RGS22: variants seen among roughly 807,000 people sequenced by gnomAD.
The protein encoded by RGS22 is regulator of G-protein signaling 22.
RGS22 carries 148 observed loss-of-function variants against 172.9 expected under a neutral mutation model. The ratio of observed to expected loss-of-function variants is 0.86; its 90% CI spans 0.75 to 0.98. The LOEUF (loss-of-function observed/expected upper bound fraction) is 0.98, where lower values mean the gene tolerates loss of function less well. RGS22 is among the 50% of genes least tolerant of loss of function. The pLI is 0.00. For synonymous variants in RGS22, 458 were observed against 480.2 expected, an observed-to-expected ratio of 0.95 and a Z score of 0.60; for missense variants, 1,347 against 1,440.8, an observed-to-expected ratio of 0.93 and a Z score of 1.05.
intron 6 of RGS22, among the ~76,000 whole-genome samples, chr8:100,067,430 T>C (rs1196252453): frequency 6.6e-6 from 1 of 152,112 alleles, no homozygotes; most frequent in African/African-American, 2.4e-5. Flanking sequence ...ATCGAGTGAC[T>C]ACTTTATTCT....
At chr8:100,017,017 A>G (rs1221847198) in intron 14 of RGS22, among the ~76,000 whole-genome samples, 13 of 53,772 alleles carry the variant, frequency 2.4e-4, no homozygotes, top group Non-Finnish European at 3.7e-4. Flanking sequence ...TTTTTTTTTT[A>G]AACAGGGGCT....
chr8:100,002,060 C>T, intron 18 of RGS22, 142 bp downstream of exon 18: 6 of 522,902 alleles, frequency 1.1e-5, no homozygotes, highest in South Asian at 4.1e-5. Context: ...TCATAAATAC[C>T]TAAATAAATA....
chr8:100,060,894 A>T (rs1278580565), intron 9 of RGS22, among the ~76,000 whole-genome samples: 1 of 152,236 alleles, frequency 6.6e-6, no homozygotes, highest in Non-Finnish European at 1.5e-5. Context: ...AGCTGGAGCC[A>T]TCACACTACC....
chr8:100,023,116 A>C (rs1005720549), intron 14 of RGS22, among the ~76,000 whole-genome samples: 1 of 152,236 alleles, frequency 6.6e-6, no homozygotes, highest in African/African-American at 2.4e-5. Flanking sequence ...GGACTGATAC[A>C]TGAAACCAGA....
intron 14 of RGS22, among the ~76,000 whole-genome samples, chr8:100,036,399 T>C (rs1274295353): frequency 6.6e-6 from 1 of 152,200 alleles, no homozygotes; most frequent in Non-Finnish European, 1.5e-5. Flanking sequence ...TCTTGGACTC[T>C]TTAGTCATGC....
In RGS22 at chr8:100,063,559, A is replaced by G. The variant is rs757429378; in HGVS notation, c.1209T>C (p.Ser403=). The G allele has an allele frequency of 1.1e-5, 17 of 1,613,980 alleles. No individual in the cohort carries two copies. Among genetic ancestry groups the G allele is most frequent in the Non-Finnish European group, 1.4e-5 (16 of 1,180,006 alleles). The change falls in exon 8 of 28, where the codon TCT becomes TCC. Residue 403 remains serine, a synonymous_variant. Transcript: ENST00000360863. ...GPESRADWCI[S]HRTYDIGNRK... The stretch of plus-strand genomic sequence containing the variant: ...TATTGCCAATGTCATAAGTCCTATG[A>G]GAAATACACCAGTCCGCCCTGCTCT...
At chr8:100,103,694 C>A (rs969331701) in intron 2 of RGS22, among the ~76,000 whole-genome samples, 2 of 151,908 alleles carry the variant, frequency 1.3e-5, no homozygotes, top group Non-Finnish European at 1.5e-5. Flanking sequence ...CAGAGAAAGC[C>A]CAGAGAACAG....
In RGS22 at chr8:100,104,324, A is replaced by ATGTG. The variant is rs1461195510; in HGVS notation, c.54+1046_54+1049dup. 1.1e-4 allele frequency among the ~76,000 whole-genome samples: 13 copies of ATGTG among 119,446 alleles called. 1 individual carries two copies. Among genetic ancestry groups the ATGTG allele is most frequent in the African/African-American group, 1.8e-4 (6 of 33,236 alleles). The allele number at this position is 119,446 out of a possible 152,430, so 78.4% of individuals were successfully genotyped here. A position where few individuals can be genotyped will look rare whatever the true frequency, so the allele number is the denominator to read the frequency against. ...ACAGAGAGAGACCCTGTCTCAAAAT[A>ATGTG]TGTGCGTGTGTGTGTGTGTGTGTGT... On this transcript the variant is annotated intron_variant, in intron 2 of 27. Transcript: ENST00000360863.
intron 6 of RGS22, among the ~76,000 whole-genome samples, chr8:100,067,369 T>G (rs1017224175): frequency 6.6e-6 from 1 of 152,176 alleles, no homozygotes; most frequent in Non-Finnish European, 1.5e-5. Flanking sequence ...CCCCTTTTCC[T>G]TTAAAATCAA....
chr8:100,023,358 T>C (rs1045954516), intron 14 of RGS22, among the ~76,000 whole-genome samples: 1 of 152,190 alleles, frequency 6.6e-6, no homozygotes, highest in Non-Finnish European at 1.5e-5. Flanking sequence ...GGTCTGCCTC[T>C]GAGACACTAC....
At chr8:99,963,212 C>A (rs985711211) in intron 24 of RGS22, among the ~76,000 whole-genome samples, 3 of 152,118 alleles carry the variant, frequency 2.0e-5, no homozygotes, top group Admixed American at 6.6e-5. Context: ...AGTCCATTTT[C>A]ATAAAAATAT....
chr8:99,961,317 A>G (rs1639742626), intron 27 of RGS22, 121 bp from the exon 28 acceptor site: 1 of 369,862 alleles, frequency 2.7e-6, no homozygotes, highest in South Asian at 2.2e-5. Context: ...CTGTGTCCCC[A>G]CCCAAATCTC....
In RGS22 at chr8:100,102,136, T is replaced by C. The variant is rs570597126; in HGVS notation, c.54+3238A>G. ...CTCATTCTTTCCTTCTACACTTATG[T>C]AAGTATTAAAGTTAGAATAGCCCAG... On this transcript the variant is annotated intron_variant, in intron 2 of 27. Transcript: ENST00000360863. Among the ~76,000 whole-genome samples, 3 of 152,310 alleles carry C rather than the reference T, an allele frequency of 2.0e-5. No individual in the cohort carries two copies. The South Asian group carries it at 6.2e-4, about 32-fold the overall frequency.
rs1387101528 is a variant in RGS22, at chr8:100,071,462, G to A, written c.501C>T (p.Pro167=). ...GACTGGGTGGTTTTTTCACGATCCAGGGAGAAAAATTTGATCCTACTGTGA... is the reference window on the plus strand; with the variant it reads ...GACTGGGTGGTTTTTTCACGATCCAAGGAGAAAAATTTGATCCTACTGTGA... ...MNFTVGSNFS[P]WIVKKPPSLP... is the part of the protein sequence containing the mutation. Residue 167 remains proline, a synonymous_variant, in exon 6 of 28, where the codon CCC becomes CCT. Transcript: ENST00000360863. The A allele has an allele frequency of 1.9e-6, 3 of 1,613,084 alleles. No homozygotes were observed. Among genetic ancestry groups the A allele is most frequent in the Non-Finnish European group, 2.5e-6 (3 of 1,179,430 alleles).
intron 3 of RGS22, among the ~76,000 whole-genome samples, chr8:100,081,107 C>T (rs1440325433): frequency 6.6e-6 from 1 of 152,006 alleles, no homozygotes; most frequent in Non-Finnish European, 1.5e-5. Flanking sequence ...AGAATCAGGT[C>T]CCTTTTTCAG....
chr8:100,087,353 C>G (rs1453515701), intron 3 of RGS22, among the ~76,000 whole-genome samples: 1 of 152,132 alleles, frequency 6.6e-6, no homozygotes, highest in Non-Finnish European at 1.5e-5. Flanking sequence ...ATATCATTTT[C>G]CAAATATTCC....
intron 14 of RGS22, among the ~76,000 whole-genome samples, chr8:100,016,776 C>CA (rs1052907396): frequency 1.3e-5 from 2 of 151,554 alleles, no homozygotes; most frequent in East Asian, 3.9e-4. Context: ...GACTCCGTCT[C>CA]AAAAAAATAA....
At chr8:100,101,871 CA>C (rs550771464) in intron 2 of RGS22, among the ~76,000 whole-genome samples, 120 of 135,628 alleles carry the variant, frequency 8.8e-4, no homozygotes, top group Middle Eastern at 7.2e-3. Flanking sequence ...AGCACGAAAC[CA>C]AAAAAAAAAA....
intron 20 of RGS22, among the ~76,000 whole-genome samples, chr8:99,996,082 C>T (rs950507707): frequency 1.1e-4 from 8 of 70,972 alleles, no homozygotes; most frequent in East Asian, 1.0e-3. Flanking sequence ...GGACACAGGG[C>T]GGGGAACACC....
Sources: allele counts gnomAD v4.1 joint callset (sites outside exome capture counted in the v4.1 genomes callset), GRCh38; gene constraint gnomAD v4.1.1; transcripts MANE v1.5; gene names NCBI Gene and HGNC (gene_info 2026-07-23, HGNC 2026-07-21).